KLF12: variants seen among roughly 807,000 people sequenced by gnomAD.
KLF12 encodes Krueppel-like factor 12.
In KLF12, 9 loss-of-function variants were observed where a neutral mutation model predicts 37.8. That is an observed-to-expected ratio of 0.24 (90% confidence interval 0.14 to 0.42). KLF12 has a LOEUF of 0.42. Ranked by LOEUF, KLF12 falls within the 10% of genes least tolerant of loss-of-function variation. The probability of loss-of-function intolerance (pLI) is 1.00; values close to 1 mark genes in which losing one functional copy is unlikely to be tolerated. For synonymous variants in KLF12, 208 were observed against 202.1 expected (o/e 1.03, Z -0.25); for missense variants, 411 against 516.0 (o/e 0.80, Z 1.97).
intron 3 of KLF12, among the ~76,000 whole-genome samples, chr13:73,884,869 C>T (rs1887145471): frequency 6.6e-6 from 1 of 152,162 alleles, no homozygotes; most frequent in Non-Finnish European, 1.5e-5. Flanking sequence ...TTCATCTTCC[C>T]TGATGTTCAT....
chr13:73,981,157 GAAACAAAC>G (rs760142834), intron 2 of KLF12, among the ~76,000 whole-genome samples: 45 of 152,090 alleles, frequency 3.0e-4, no homozygotes, highest in Middle Eastern at 3.4e-3. Context: ...CCCTGTCTCA[GAAACAAAC>G]AAACAAACAA....
At chr13:73,880,232 C>T (rs1348820367) in intron 3 of KLF12, among the ~76,000 whole-genome samples, 1 of 152,302 alleles carries the variant, frequency 6.6e-6, no homozygotes, top group South Asian at 2.1e-4. Flanking sequence ...CTTGCCACCC[C>T]ACTTAGATAT....
chr13:73,999,587 A>AG (rs1484407871), intron 1 of KLF12, among the ~76,000 whole-genome samples: 22 of 151,258 alleles, frequency 1.5e-4, no homozygotes, highest in Admixed American at 1.3e-4. Context: ...CAAAAAAAAA[A>AG]AAATTAGCCA....
At chr13:74,124,212 T>G (rs768677273) in intron 1 of KLF12, among the ~76,000 whole-genome samples, 1 of 152,250 alleles carries the variant, frequency 6.6e-6, no homozygotes, top group East Asian at 1.9e-4. Flanking sequence ...ATTTTGTGTT[T>G]GCTAAAGTTA....
intron 1 of KLF12, among the ~76,000 whole-genome samples, chr13:74,078,387 A>G (rs1037783120): frequency 6.6e-6 from 1 of 152,220 alleles, no homozygotes; most frequent in Non-Finnish European, 1.5e-5. Context: ...ATTACTAAAA[A>G]TGTTTTCATC....
chr13:73,744,313 A>G (rs1486497182), intron 6 of KLF12, among the ~76,000 whole-genome samples: 3 of 152,174 alleles, frequency 2.0e-5, no homozygotes, highest in Admixed American at 6.5e-5. Flanking sequence ...TGGAACTTCA[A>G]TTTCATCACT....
chr13:74,016,505 G>T (rs1352059978), intron 1 of KLF12, among the ~76,000 whole-genome samples: 6 of 152,130 alleles, frequency 3.9e-5, no homozygotes, highest in Non-Finnish European at 1.5e-5. Context: ...AGGAGTACAG[G>T]CATGTGCCAC....
chr13:74,064,577 C>T (rs1873799774), intron 1 of KLF12, among the ~76,000 whole-genome samples: 1 of 152,180 alleles, frequency 6.6e-6, no homozygotes, highest in South Asian at 2.1e-4. Flanking sequence ...AGTCCAGAGA[C>T]ATGACCCTGA....
chr13:74,062,693 C>A (rs1002641470), intron 1 of KLF12, among the ~76,000 whole-genome samples: 1 of 152,132 alleles, frequency 6.6e-6, no homozygotes, highest in African/African-American at 2.4e-5. Context: ...ATAAATCTGT[C>A]TTTGTTTTGC....
At chr13:73,781,302 C>T (rs1272673396) in intron 5 of KLF12, among the ~76,000 whole-genome samples, 1 of 152,178 alleles carries the variant, frequency 6.6e-6, no homozygotes, top group Non-Finnish European at 1.5e-5. Flanking sequence ...ATTTGTGTGG[C>T]TTGCCTTGTG....
At chr13:74,142,445 C>T in the KLF12 span, among the ~76,000 whole-genome samples, 90 of 152,322 alleles carry the variant, frequency 5.9e-4, 1 homozygote, top group African/African-American at 2.1e-3. Flanking sequence ...TGACCTTTGA[C>T]AGGTTGCTTA....
chr13:73,690,304 C>T lies in KLF12; in HGVS notation c.*5186G>A, dbSNP rs566164364. On this transcript the variant is annotated 3_prime_UTR_variant, in exon 8 of 8. Coordinates refer to ENST00000377669, the MANE Select transcript of KLF12 (RefSeq NM_007249.5). ...TTATTCCTATTGCGAGTATAGATTC[C>T]TTTAACACGTGGCCATATCCACAGC... 6.6e-6 allele frequency: 1 copy of T among 152,640 alleles called. No individual in the cohort carries two copies. Among genetic ancestry groups the T allele is most frequent in the South Asian group, 2.1e-4 (1 of 4,828 alleles). The allele number at this position is 152,640 out of a possible 1,614,324, so 9.5% of individuals were successfully genotyped here.
At chr13:74,062,890 A>G (rs1873687719) in intron 1 of KLF12, among the ~76,000 whole-genome samples, 1 of 152,196 alleles carries the variant, frequency 6.6e-6, no homozygotes, top group Non-Finnish European at 1.5e-5. Context: ...GTCCCTTGAC[A>G]ATGAGACCCC....
chr13:74,108,992 T>C (rs954171205), intron 1 of KLF12, among the ~76,000 whole-genome samples: 4 of 152,086 alleles, frequency 2.6e-5, no homozygotes, highest in African/African-American at 9.7e-5. Context: ...GAGAAAGAAT[T>C]TTCCATAAAA....
At chr13:74,231,985 T>C in the KLF12 span, among the ~76,000 whole-genome samples, 3 of 152,070 alleles carry the variant, frequency 2.0e-5, no homozygotes, top group African/African-American at 7.2e-5. Context: ...TTTTGGGGGG[T>C]CTGAATTGAT....
Position 73,916,247 on chromosome 13 carries a change from GCACACACA to G in KLF12, c.123+27726_123+27733del, listed in dbSNP as rs34551604. Among the ~76,000 whole-genome samples the G allele has an allele frequency of 1.6e-3, 233 of 146,634 alleles. 2 individuals carry two copies. Among genetic ancestry groups the G allele is most frequent in the African/African-American group, 4.7e-3 (183 of 39,250 alleles). On this transcript the variant is annotated intron_variant, in intron 3 of 7. Coordinates refer to ENST00000377669, the MANE Select transcript of KLF12 (RefSeq NM_007249.5). Reference sequence around the variant, plus strand: ...CACACACACACACACACACGCACACGCACACACACACACACACACAGCTTTAAAGTGTT... The same window carrying G: ...CACACACACACACACACACGCACACGCACACACACACAGCTTTAAAGTGTT...
intron 3 of KLF12, 55 bp from the exon 4 acceptor site, chr13:73,846,428 G>C (rs536366818): frequency 6.9e-7 from 1 of 1,439,204 alleles, no homozygotes; most frequent in Non-Finnish European, 9.5e-7. Flanking sequence ...ACATTTTATC[G>C]ATGCATGGCT....
chr13:73,828,684 C>T (rs914476242), intron 4 of KLF12, among the ~76,000 whole-genome samples: 5 of 152,162 alleles, frequency 3.3e-5, no homozygotes. Flanking sequence ...ATGTTAAATC[C>T]CATCTACTTC....
At chr13:73,858,295 A>G (rs908591862) in intron 3 of KLF12, among the ~76,000 whole-genome samples, 2 of 152,230 alleles carry the variant, frequency 1.3e-5, no homozygotes, top group African/African-American at 4.8e-5. Context: ...TCAATTTGCT[A>G]AGTGTGTCAC....
Sources: gnomAD v4.1 joint callset for allele counts (sites outside exome capture counted in the v4.1 genomes callset) on GRCh38, gnomAD v4.1.1 for gene constraint, MANE v1.5 for transcripts, NCBI Gene and HGNC (gene_info 2026-07-23, HGNC 2026-07-21) for gene names.